COL4A1: variants seen among roughly 807,000 people sequenced by gnomAD.
COL4A1 encodes the protein collagen type IV alpha 1 chain.
A neutral mutation model predicts 216.6 loss-of-function variants in COL4A1; 40 were observed. The observed-to-expected ratio is 0.18, with a 90% CI of 0.14 to 0.24. COL4A1 has a LOEUF of 0.24. COL4A1 is among the 10% of genes least tolerant of loss of function. The pLI is 1.00. For synonymous variants in COL4A1, 839 were observed against 810.7 expected (o/e 1.03, Z -0.59); for missense variants, 1,628 against 2,196.8 (o/e 0.74, Z 5.18).
chr13:110,249,329 T>G (rs954407162), intron 1 of COL4A1, among the ~76,000 whole-genome samples: 6 of 152,092 alleles, frequency 3.9e-5, no homozygotes, highest in African/African-American at 1.4e-4. Flanking sequence ...TTGTTGTATT[T>G]CAATAAAATT....
intron 1 of COL4A1, among the ~76,000 whole-genome samples, chr13:110,248,012 C>A (rs1881905694): frequency 6.6e-6 from 1 of 152,056 alleles, no homozygotes. Context: ...TCGCAGCTTT[C>A]ACAATTTTTA....
chr13:110,161,534 C>G (rs1877086312), intron 48 of COL4A1, among the ~76,000 whole-genome samples, 165 bp from the exon 49 acceptor site: 1 of 152,184 alleles, frequency 6.6e-6, no homozygotes, highest in Non-Finnish European at 1.5e-5. Context: ...TGAAAGGAAA[C>G]AAAACCAGTT....
intron 2 of COL4A1, among the ~76,000 whole-genome samples, chr13:110,219,220 T>G (rs1566384270): frequency 6.6e-6 from 1 of 152,180 alleles, no homozygotes; most frequent in Non-Finnish European, 1.5e-5. Flanking sequence ...CTAGAGGGTC[T>G]GCTTTGCCTA....
chr13:110,163,723 C>T (rs1877192478), intron 46 of COL4A1, among the ~76,000 whole-genome samples, 162 bp from the exon 47 acceptor site: 1 of 151,768 alleles, frequency 6.6e-6, no homozygotes, highest in South Asian at 2.1e-4. Context: ...CCCACAAAGT[C>T]GAGTACAGAC....
At chr13:110,219,036 T>C (rs192254461) in intron 2 of COL4A1, among the ~76,000 whole-genome samples, 90 of 152,292 alleles carry the variant, frequency 5.9e-4, no homozygotes, top group South Asian at 2.1e-3. Flanking sequence ...TGCAGGACCA[T>C]TTCCTGAATG....
chr13:110,220,124 G>A (rs1226340397), intron 2 of COL4A1, among the ~76,000 whole-genome samples: 1 of 151,928 alleles, frequency 6.6e-6, no homozygotes, highest in Non-Finnish European at 1.5e-5. Flanking sequence ...TTTTAGTAGA[G>A]ACGGGGTTTC....
chr13:110,290,000 G>T (rs34841474), intron 1 of COL4A1, among the ~76,000 whole-genome samples: 22,769 of 152,210 alleles, frequency 0.15, 1,750 homozygotes, highest in South Asian at 0.26. Flanking sequence ...GAAAAGGGGC[G>T]TGAAGGGAAG....
At chr13:110,292,437 A>G (rs76359681) in intron 1 of COL4A1, among the ~76,000 whole-genome samples, 3,101 of 152,246 alleles carry the variant, frequency 0.02, 99 homozygotes, top group African/African-American at 0.069. Flanking sequence ...TATATTTCCA[A>G]TCTGGAGGTG....
chr13:110,234,864 T>C (rs992377476), intron 2 of COL4A1, among the ~76,000 whole-genome samples: 7 of 152,186 alleles, frequency 4.6e-5, no homozygotes, highest in African/African-American at 1.7e-4. Flanking sequence ...CACTATTGTC[T>C]CTCAGGAATA....
intron 1 of COL4A1, among the ~76,000 whole-genome samples, chr13:110,304,759 A>G (rs913598461): frequency 2.0e-5 from 3 of 152,224 alleles, no homozygotes; most frequent in Admixed American, 1.3e-4. Flanking sequence ...TTCATGAAGA[A>G]AAAACAATAA....
chr13:110,167,042 T>C lies in COL4A1; in HGVS notation c.3949+116A>G, dbSNP rs1594540857. The C allele has an allele frequency of 3.5e-6, 3 of 845,306 alleles. No individual in the cohort carries two copies. In the East Asian group the frequency reaches 7.2e-5, roughly 20 times the overall value. 52.4% of individuals were successfully genotyped at this position (845,306 alleles called of 1,614,324 possible). A position where few individuals can be genotyped will look rare whatever the true frequency, so the allele number is the denominator to read the frequency against. ...GCCATTTTTAATTTGAAGAGAACAGTATCTCGTGCTATAATGGCAGCGGTG... is the reference window on the plus strand; with the variant it reads ...GCCATTTTTAATTTGAAGAGAACAGCATCTCGTGCTATAATGGCAGCGGTG... On this transcript the variant is annotated intron_variant, in intron 44 of 51. Coordinates refer to ENST00000375820, the MANE Select transcript of COL4A1 (RefSeq NM_001845.6).
intron 2 of COL4A1, among the ~76,000 whole-genome samples, chr13:110,223,455 G>T (rs1342402191): frequency 6.6e-6 from 1 of 152,134 alleles, no homozygotes; most frequent in Admixed American, 6.5e-5. Flanking sequence ...TAACCTATCA[G>T]CATGAACACT....
rs1371113797 is a variant in COL4A1 at position 110,287,839 on chromosome 13, C to T, written c.84+19105G>A. Among the ~76,000 whole-genome samples the T allele has an allele frequency of 2.0e-5, 3 of 152,212 alleles. No individual in the cohort carries two copies. The South Asian group carries it at 6.2e-4, about 32-fold the overall frequency. ...TACAATACCTGCAGCACAGGAAGCA[C>T]AAACTATTTTCAGACTCAGAAGAGA... On this transcript the variant is annotated intron_variant, in intron 1 of 51. Transcript: ENST00000375820.
intron 50 of COL4A1, among the ~76,000 whole-genome samples, chr13:110,154,779 T>C (rs1213539222): frequency 6.6e-6 from 1 of 152,204 alleles, no homozygotes; most frequent in Non-Finnish European, 1.5e-5. Flanking sequence ...AAGCTGGTCA[T>C]ATAGAGAAGC....
At chr13:110,181,452 C>T (rs1030721452) in intron 28 of COL4A1, 63 bp from the exon 29 acceptor site, 5 of 1,441,714 alleles carry the variant, frequency 3.5e-6, no homozygotes, top group Middle Eastern at 1.8e-4. Flanking sequence ...ATGCCGTTCC[C>T]CACTTTCTTC....
intron 2 of COL4A1, among the ~76,000 whole-genome samples, chr13:110,230,418 T>C (rs1397461942): frequency 6.6e-6 from 1 of 152,074 alleles, no homozygotes; most frequent in Non-Finnish European, 1.5e-5. Flanking sequence ...CGTGACACCC[T>C]GGAAAATCAC....
At chr13:110,275,713 C>T (rs1883402314) in intron 1 of COL4A1, among the ~76,000 whole-genome samples, 2 of 152,114 alleles carry the variant, frequency 1.3e-5, no homozygotes, top group African/African-American at 4.8e-5. Flanking sequence ...AATATTCACA[C>T]TAAAAATAAA....
chr13:110,219,303 G>C (rs1395306189), intron 2 of COL4A1, among the ~76,000 whole-genome samples: 1 of 152,204 alleles, frequency 6.6e-6, no homozygotes, highest in Non-Finnish European at 1.5e-5. Context: ...GGATGTATAT[G>C]TGTTCACTAG....
intron 1 of COL4A1, among the ~76,000 whole-genome samples, chr13:110,262,573 T>C (rs1273306553): frequency 1.3e-5 from 2 of 152,210 alleles, no homozygotes; most frequent in African/African-American, 4.8e-5. Flanking sequence ...CTCACAAAGA[T>C]CAACAATCTC....
Sources: allele counts gnomAD v4.1 joint callset (sites outside exome capture counted in the v4.1 genomes callset), GRCh38; gene constraint gnomAD v4.1.1; transcripts MANE v1.5; gene names NCBI Gene and HGNC (gene_info 2026-07-23, HGNC 2026-07-21).